CEP97: variants seen among roughly 807,000 people sequenced by gnomAD.
The protein encoded by CEP97 is centrosomal protein of 97 kDa.
Under a neutral mutation model 73.1 loss-of-function variants are expected in CEP97, and 43 were observed. The ratio of observed to expected loss-of-function variants is 0.59; its 90% CI spans 0.46 to 0.76. The LOEUF is 0.76. CEP97 is among the 30% of genes least tolerant of loss of function. The pLI is 0.00. For synonymous variants in CEP97, 337 were observed against 370.0 expected (o/e 0.91, Z 1.02); for missense variants, 939 against 1,014.0 (o/e 0.93, Z 1.00).
At chr3:101,754,410 A>C (rs1276001623) in intron 6 of CEP97, among the ~76,000 whole-genome samples, 1 of 152,206 alleles carries the variant, frequency 6.6e-6, no homozygotes, top group East Asian at 1.9e-4. Flanking sequence ...TTATAAATGA[A>C]TTTTGTATCT....
At chr3:101,733,027 G>A (rs1938162638) in intron 6 of CEP97, among the ~76,000 whole-genome samples, 1 of 152,082 alleles carries the variant, frequency 6.6e-6, no homozygotes, top group Non-Finnish European at 1.5e-5. Context: ...GGAAGCTGAG[G>A]TGGGAGGATT....
At chr3:101,749,832 T>A (rs1356090080) in intron 6 of CEP97, among the ~76,000 whole-genome samples, 6 of 132,390 alleles carry the variant, frequency 4.5e-5, no homozygotes, top group Non-Finnish European at 8.1e-5. Context: ...GCCCACTTTT[T>A]GATGGGGTTG....
chr3:101,762,588 A>T (rs776347412), intron 10 of CEP97, 28 bp downstream of exon 10: 3 of 1,499,964 alleles, frequency 2.0e-6, no homozygotes, highest in Non-Finnish European at 2.8e-6. Flanking sequence ...GATTTACCTC[A>T]TATATGATCA....
rs1319296243 is a variant in CEP97, at chr3:101,769,234, T to C, written c.*3683T>C. The C allele has an allele frequency of 1.3e-5, 2 of 152,148 alleles. No individual in the cohort carries two copies. The highest frequency in any genetic ancestry group is 4.8e-5 in the African/African-American group (2 of 41,450). 9.4% of individuals were successfully genotyped at this position (152,148 alleles called of 1,614,324 possible). A position where few individuals can be genotyped will look rare whatever the true frequency, so the allele number is the denominator to read the frequency against. On this transcript the variant is annotated 3_prime_UTR_variant, in exon 11 of 11. Transcript: ENST00000341893. ...TTGATAATAAAAATATAAAACGTTT[T>C]TCCTCGGGAGTTAAGATGGTAAAAA... is the stretch of plus-strand genomic sequence containing the variant.
At position 101,757,039 on chromosome 3, in the gene CEP97, A is replaced by G. The variant is rs1939024498; in HGVS notation, c.894-24A>G. 8 of 1,581,636 alleles carry G rather than the reference A, an allele frequency of 5.1e-6. No individual in the cohort carries two copies. In the Middle Eastern group the frequency reaches 8.5e-4, roughly 168 times the overall value. ...TTCTTTTTTTGGTTTGTGTTAAATT[A>G]GACCAGGTATTATTGATTTTTAGGT... is the stretch of plus-strand genomic sequence containing the variant. On this transcript the variant is annotated intron_variant, in intron 7 of 10. Coordinates refer to ENST00000341893, the MANE Select transcript of CEP97 (RefSeq NM_024548.4).
At chr3:101,754,327 T>G (rs1189959760) in intron 6 of CEP97, among the ~76,000 whole-genome samples, 1 of 152,158 alleles carries the variant, frequency 6.6e-6, no homozygotes, top group Non-Finnish European at 1.5e-5. Context: ...ACAACCACAA[T>G]GCTATTATCA....
At position 101,728,556 on chromosome 3, in the gene CEP97, G is replaced by A. The variant is rs148248532; in HGVS notation, c.346-280G>A. 2.5e-3 allele frequency among the ~76,000 whole-genome samples: 383 copies of A among 152,004 alleles called. 7 individuals are homozygous for A. In the East Asian group the frequency reaches 0.028, roughly 11 times the overall value. Reference sequence around the variant, plus strand: ...TGGGATTACAGGTGTGAGCCATAGCGCCTGGCCATTACTATGTTTTTTTTC... The same window carrying A: ...TGGGATTACAGGTGTGAGCCATAGCACCTGGCCATTACTATGTTTTTTTTC... On this transcript the variant is annotated intron_variant, in intron 3 of 10. Coordinates refer to ENST00000341893, the MANE Select transcript of CEP97 (RefSeq NM_024548.4).
intron 6 of CEP97, among the ~76,000 whole-genome samples, chr3:101,739,133 C>T (rs1356822826): frequency 6.6e-6 from 1 of 152,094 alleles, no homozygotes; most frequent in East Asian, 1.9e-4. Flanking sequence ...GAAGTCAGAG[C>T]CCTGAATAGA....
At chr3:101,758,616 C>T in intron 9 of CEP97, 193 bp downstream of exon 9, 2 of 621,840 alleles carry the variant, frequency 3.2e-6, no homozygotes, top group Non-Finnish European at 2.8e-6. Context: ...CTCCTCATCT[C>T]CATCCCCAGC....
chr3:101,748,228 T>G (rs1007298243), intron 6 of CEP97, among the ~76,000 whole-genome samples: 2 of 151,480 alleles, frequency 1.3e-5, no homozygotes, highest in African/African-American at 4.8e-5. Context: ...GACAGGGAGT[T>G]TTTGTTTTTG....
chr3:101,764,959 C>T lies in CEP97; in HGVS notation c.2006C>T (p.Thr669Ile). Residue 669 changes from threonine to isoleucine, a missense_variant, in exon 11 of 11, where the codon ACC becomes ATC. Physicochemically the swap from Thr to Ile is moderately conservative, Grantham distance 89. Transcript: ENST00000341893. ...TLVPSKHPLF[T>I]QSQESSCDQN... Reference sequence around the variant, plus strand: ...GTGCCATCGAAACATCCATTATTTACCCAAAGCCAGGAGTCCTCTTGTGAT... The same window carrying T: ...GTGCCATCGAAACATCCATTATTTATCCAAAGCCAGGAGTCCTCTTGTGAT... The T allele has an allele frequency of 6.2e-7, 1 of 1,614,178 alleles. No individual in the cohort carries two copies. Among genetic ancestry groups the T allele is most frequent in the Non-Finnish European group, 8.5e-7 (1 of 1,180,022 alleles).
chr3:101,755,182 A>G (rs866060154), intron 6 of CEP97, among the ~76,000 whole-genome samples: 1 of 152,160 alleles, frequency 6.6e-6, no homozygotes, highest in South Asian at 2.1e-4. Context: ...ATGATTTAAA[A>G]ATATTTGGCA....
Position 101,732,508 on chromosome 3 carries a change from A to C in CEP97, c.582A>C (p.Leu194Phe). ...DLNEISFLASLTELEQLSIMN... is the reference protein window; with the variant it reads ...DLNEISFLASFTELEQLSIMN... ...TCCAGATCTCTTTTTTGGCATCCTT[A>C]ACTGAATTGGAACAGTTGTCGATTA... is the stretch of plus-strand genomic sequence containing the variant. The change falls in exon 6 of 11, where the codon TTA (leucine) becomes TTC (phenylalanine). Residue 194 changes from leucine to phenylalanine, a missense_variant. Physicochemically the swap from Leu to Phe is conservative, Grantham distance 22. Coordinates refer to ENST00000341893, the MANE Select transcript of CEP97 (RefSeq NM_024548.4). The C allele has an allele frequency of 6.2e-7, 1 of 1,608,388 alleles. No individual in the cohort carries two copies. Among genetic ancestry groups the C allele is most frequent in the South Asian group, 1.1e-5 (1 of 90,546 alleles).
In CEP97 at chr3:101,732,417, T is replaced by G. The variant is rs1053331654; in HGVS notation, c.562-71T>G. On this transcript the variant is annotated intron_variant, in intron 5 of 10. Coordinates refer to ENST00000341893, the MANE Select transcript of CEP97 (RefSeq NM_024548.4). ...ACATTCTCAAATGCTGCCAAAGATA[T>G]GTAATCAGTGGAAATTTTGTGCTTG... 6 of 1,014,136 alleles carry G rather than the reference T, an allele frequency of 5.9e-6. No homozygotes were observed. The African/African-American group carries it at 9.6e-5, about 16-fold the overall frequency. 62.8% of individuals were successfully genotyped at this position (1,014,136 alleles called of 1,614,324 possible).
intron 7 of CEP97, 29 bp from the exon 8 acceptor site, chr3:101,757,034 A>G (rs1560019368): frequency 3.8e-6 from 6 of 1,576,296 alleles, no homozygotes. Flanking sequence ...GGTTTGTGTT[A>G]AATTAGACCA....
chr3:101,724,794 A>C (rs1937823578), intron 1 of CEP97, 75 bp downstream of exon 1: 2 of 1,483,036 alleles, frequency 1.3e-6, no homozygotes, highest in African/African-American at 1.4e-5. Flanking sequence ...CAGAAAACCT[A>C]GGTTTAGATG....
At chr3:101,763,139 G>A (rs1381354278) in intron 10 of CEP97, 1 of 1,220,660 alleles carries the variant, frequency 8.2e-7, no homozygotes, top group Non-Finnish European at 1.1e-6. Context: ...GCCCAGGCCG[G>A]TCTCAAACTT....
chr3:101,748,391 A>G (rs1386817742), intron 6 of CEP97, among the ~76,000 whole-genome samples: 1 of 152,098 alleles, frequency 6.6e-6, no homozygotes, highest in Non-Finnish European at 1.5e-5. Context: ...GGGATATTCA[A>G]ACTTGAGCCC....
intron 6 of CEP97, among the ~76,000 whole-genome samples, chr3:101,744,261 A>G (rs375632953): frequency 1.3e-4 from 19 of 151,984 alleles, no homozygotes; most frequent in East Asian, 5.8e-4. Context: ...ACATCAGCCT[A>G]TACAGGAATG....
Sources: gnomAD v4.1 joint callset for allele counts (sites outside exome capture counted in the v4.1 genomes callset) on GRCh38, gnomAD v4.1.1 for gene constraint, MANE v1.5 for transcripts, NCBI Gene and HGNC (gene_info 2026-07-23, HGNC 2026-07-21) for gene names.